Variants in NME8 observed in about 807,000 individuals in gnomAD.
NME8 encodes NME/NM23 family member 8.
In NME8, 72 loss-of-function variants were observed where a neutral mutation model predicts 82.3. The ratio of observed to expected loss-of-function variants is 0.87; its 90% CI spans 0.72 to 1.06. The LOEUF (loss-of-function observed/expected upper bound fraction) is 1.06. Among genes scored for constraint, NME8 ranks in the 50% least tolerant of loss-of-function variants. The pLI is 0.00. For synonymous variants in NME8, 267 were observed against 228.5 expected (o/e 1.17, Z -1.52); for missense variants, 712 against 685.4 (o/e 1.04, Z -0.43).
chr7:37,882,348 G>A (rs1011755471), intron 12 of NME8, among the ~76,000 whole-genome samples: 4 of 151,898 alleles, frequency 2.6e-5, no homozygotes, highest in Admixed American at 6.6e-5. Context: ...GTAGCCGGGC[G>A]TGGTGGCCCA....
intron 17 of NME8, 119 bp downstream of exon 17, chr7:37,897,226 C>G: frequency 1.5e-6 from 1 of 689,368 alleles, no homozygotes; most frequent in Non-Finnish European, 2.5e-6. Flanking sequence ...AGCTTTATTT[C>G]CTGTGAGACA....
intron 16 of NME8, among the ~76,000 whole-genome samples, chr7:37,895,294 A>C (rs16879741): frequency 0.014 from 2,107 of 152,302 alleles, 56 homozygotes; most frequent in African/African-American, 0.047. Flanking sequence ...ACCACCACAT[A>C]GAAATTACAG....
intron 12 of NME8, among the ~76,000 whole-genome samples, chr7:37,881,017 C>G (rs918830097): frequency 5.3e-5 from 8 of 152,040 alleles, no homozygotes; most frequent in Admixed American, 3.9e-4. Context: ...TTATCAGTGC[C>G]CGAAGTTTTG....
At chr7:37,874,909 A>G (rs1419661096) in intron 11 of NME8, among the ~76,000 whole-genome samples, 2 of 152,182 alleles carry the variant, frequency 1.3e-5, no homozygotes, top group African/African-American at 4.8e-5. Context: ...CAGTAGATAA[A>G]ATGGGGGGAT....
chr7:37,862,213 C>G, intron 7 of NME8, 69 bp downstream of exon 7: 1 of 995,698 alleles, frequency 1.0e-6, no homozygotes. Flanking sequence ...ACAAAATGCA[C>G]TACTGGTGCT....
rs749283857 is a variant in NME8, at chr7:37,864,342, T to C, written c.455-6T>C. 2 of 1,594,250 alleles carry C rather than the reference T, an allele frequency of 1.3e-6. No homozygotes were observed. Among genetic ancestry groups the C allele is most frequent in the Non-Finnish European group, 1.7e-6 (2 of 1,165,650 alleles). Reference sequence around the variant, plus strand: ...AAATTCTGTCTTTTTCTAAATTTTTTTCCAGAGGAATTATACAGTATTGCT... The same window carrying C: ...AAATTCTGTCTTTTTCTAAATTTTTCTCCAGAGGAATTATACAGTATTGCT... On this transcript the variant is annotated splice_polypyrimidine_tract_variant and splice_region_variant and intron_variant, in intron 8 of 17. Coordinates refer to ENST00000199447, the MANE Select transcript of NME8 (RefSeq NM_016616.5).
chr7:37,850,264 T>C lies in NME8; in HGVS notation c.-3T>C, dbSNP rs184571218. The C allele has an allele frequency of 2.6e-4, 414 of 1,613,922 alleles. No homozygotes were observed. In the African/African-American group the frequency reaches 3.0e-3, roughly 12 times the overall value. On this transcript the variant is annotated 5_prime_UTR_variant, in exon 3 of 18. Coordinates refer to ENST00000199447, the MANE Select transcript of NME8 (RefSeq NM_016616.5). ...TCTTTCTTTTTCCTATGATAGTAGATAAATGGCAAGCAAAAAACGAGAAGT... is the reference window on the plus strand; with the variant it reads ...TCTTTCTTTTTCCTATGATAGTAGACAAATGGCAAGCAAAAAACGAGAAGT...
intron 11 of NME8, among the ~76,000 whole-genome samples, chr7:37,869,810 A>G (rs1468877909): frequency 3.3e-5 from 5 of 152,110 alleles, no homozygotes; most frequent in African/African-American, 1.2e-4. Flanking sequence ...GGGCTCAGAA[A>G]CTGATACTCA....
intron 6 of NME8, among the ~76,000 whole-genome samples, chr7:37,858,026 A>G (rs867592436): frequency 6.6e-6 from 1 of 152,080 alleles, no homozygotes; most frequent in Non-Finnish European, 1.5e-5. Flanking sequence ...GGGAGACCAC[A>G]TCTCCATTTT....
At chr7:37,855,094 G>A (rs1583625954) in intron 5 of NME8, among the ~76,000 whole-genome samples, 1 of 152,108 alleles carries the variant, frequency 6.6e-6, no homozygotes, top group South Asian at 2.1e-4. Context: ...ATGAGCCCCT[G>A]ATCTAGAGGC....
chr7:37,866,085 T>C (rs924219623), intron 10 of NME8, among the ~76,000 whole-genome samples: 7 of 151,944 alleles, frequency 4.6e-5, no homozygotes, highest in Non-Finnish European at 8.8e-5. Flanking sequence ...TGTCTGGGGA[T>C]ATAATATAAT....
chr7:37,877,506 C>G (rs780548845), intron 12 of NME8, among the ~76,000 whole-genome samples: 13 of 152,124 alleles, frequency 8.5e-5, no homozygotes, highest in Non-Finnish European at 1.5e-4. Flanking sequence ...TAAATTAACA[C>G]TATTCATTCT....
intron 16 of NME8, 28 bp downstream of exon 16, chr7:37,894,638 A>C (rs376424472): frequency 1.3e-6 from 2 of 1,536,270 alleles, no homozygotes; most frequent in Admixed American, 3.5e-5. Context: ...AATTGTTTGC[A>C]TTATAAAAGT....
At chr7:37,869,360 G>T (rs547158737) in intron 11 of NME8, among the ~76,000 whole-genome samples, 31 of 152,162 alleles carry the variant, frequency 2.0e-4, no homozygotes, top group African/African-American at 7.2e-4. Context: ...GTTGGGTAGG[G>T]TGTGTTAAGT....
chr7:37,865,100 T>C (rs1055134901), intron 9 of NME8, among the ~76,000 whole-genome samples: 2 of 152,208 alleles, frequency 1.3e-5, no homozygotes, highest in East Asian at 3.9e-4. Flanking sequence ...AATCATGGTT[T>C]CTCAATAGTC....
At position 37,882,545 on chromosome 7, in the gene NME8, GGGAA is replaced by G. The variant is rs1784962838; in HGVS notation, c.995-1757_995-1754del. ...AAGGAAGGAGGGAGAGAGGGAGGAA[GGGAA>G]AGAAAGAAAGAAAGAAAGAAAGAAA... On this transcript the variant is annotated intron_variant, in intron 12 of 17. Coordinates refer to ENST00000199447, the MANE Select transcript of NME8 (RefSeq NM_016616.5). Among the ~76,000 whole-genome samples, 4 of 102,828 alleles carry G rather than the reference GGGAA, an allele frequency of 3.9e-5. No homozygotes were observed. In the South Asian group the frequency reaches 1.4e-3, roughly 35 times the overall value. 67.5% of individuals were successfully genotyped at this position (102,828 alleles called of 152,430 possible). A position where few individuals can be genotyped will look rare whatever the true frequency, so the allele number is the denominator to read the frequency against.
rs1355976472 is a variant in NME8, at chr7:37,862,063, T to C, written c.306T>C (p.Asn102=). 1 of 1,613,658 alleles carries C rather than the reference T, an allele frequency of 6.2e-7. No individual in the cohort carries two copies. Among genetic ancestry groups the C allele is most frequent in the Non-Finnish European group, 8.5e-7 (1 of 1,179,822 alleles). ...GKIIEKIQGA[N]APLVNKKVIN... Reference sequence around the variant, plus strand: ...TTATCGAAAAGATTCAGGGTGCAAATGCACCGCTTGTTAATAAAAAAGTTA... The same window carrying C: ...TTATCGAAAAGATTCAGGGTGCAAACGCACCGCTTGTTAATAAAAAAGTTA... Residue 102 remains asparagine (N), a synonymous_variant, in exon 7 of 18, where the codon AAT becomes AAC. Transcript: ENST00000199447.
intron 11 of NME8, among the ~76,000 whole-genome samples, chr7:37,872,515 C>T (rs1181462169): frequency 6.6e-6 from 1 of 152,130 alleles, no homozygotes; most frequent in Non-Finnish European, 1.5e-5. Context: ...ACTTGAGATT[C>T]AATTGCTAGG....
chr7:37,863,310 T>C, intron 7 of NME8, 86 bp from the exon 8 acceptor site: 1 of 781,688 alleles, frequency 1.3e-6, no homozygotes, highest in Non-Finnish European at 2.3e-6. Flanking sequence ...TATAAATATT[T>C]ACTAGATACA....
Sources: allele counts gnomAD v4.1 joint callset (sites outside exome capture counted in the v4.1 genomes callset), GRCh38; gene constraint gnomAD v4.1.1; transcripts MANE v1.5; gene names NCBI Gene and HGNC (gene_info 2026-07-23, HGNC 2026-07-21).